KNDC1: variants seen among roughly 807,000 people sequenced by gnomAD.
The protein encoded by KNDC1 is kinase non-catalytic C-lobe domain-containing protein 1.
In KNDC1, 106 loss-of-function variants were observed where a neutral mutation model predicts 172.8. The observed-to-expected ratio is 0.61, with a 90% CI of 0.52 to 0.72. KNDC1 has a LOEUF of 0.72. KNDC1 is among the 30% of genes least tolerant of loss of function. The pLI is 0.00. For synonymous variants in KNDC1, 1,083 were observed against 1,062.2 expected, an observed-to-expected ratio of 1.02 and a Z score of -0.38; for missense variants, 2,325 against 2,394.5, an observed-to-expected ratio of 0.97 and a Z score of 0.61.
At chr10:133,184,763 G>C (rs984583331) in intron 5 of KNDC1, among the ~76,000 whole-genome samples, 2 of 152,298 alleles carry the variant, frequency 1.3e-5, no homozygotes, top group African/African-American at 4.8e-5. Context: ...AGCTTCAGAA[G>C]TCTGTGGCAT....
intron 3 of KNDC1, among the ~76,000 whole-genome samples, chr10:133,178,090 G>A (rs546142510): frequency 6.0e-5 from 9 of 150,640 alleles, no homozygotes; most frequent in Admixed American, 5.3e-4. Context: ...AGTTTGGTGT[G>A]TGTGCAGTGT....
intron 17 of KNDC1, among the ~76,000 whole-genome samples, chr10:133,204,544 C>T (rs983856114): frequency 2.0e-5 from 3 of 152,328 alleles, no homozygotes; most frequent in South Asian, 4.1e-4. Flanking sequence ...CCTGGCCCTC[C>T]GTGGCACCGC....
rs1323294323 is a variant in KNDC1 at position 133,201,997 on chromosome 10, A to C, written c.3387+99A>C. The C allele has an allele frequency of 4.6e-6, 6 of 1,315,840 alleles. No homozygotes were observed. The Admixed American group carries it at 1.2e-4, about 26-fold the overall frequency. 81.5% of individuals were successfully genotyped at this position (1,315,840 alleles called of 1,614,324 possible). A position where few individuals can be genotyped will look rare whatever the true frequency, so the allele number is the denominator to read the frequency against. On this transcript the variant is annotated intron_variant, in intron 17 of 29. Coordinates refer to ENST00000304613, the MANE Select transcript of KNDC1 (RefSeq NM_152643.8). Reference sequence around the variant, plus strand: ...GTGACAGATGGCACCGTGTGCCCAGAGCCCCCAACAGGGTGACACTGGTCC... The same window carrying C: ...GTGACAGATGGCACCGTGTGCCCAGCGCCCCCAACAGGGTGACACTGGTCC...
chr10:133,205,558 C>A (rs149690270), intron 17 of KNDC1, among the ~76,000 whole-genome samples: 2 of 152,240 alleles, frequency 1.3e-5, no homozygotes, highest in African/African-American at 4.8e-5. Flanking sequence ...GCAAACGCTG[C>A]GGCCGCCGCC....
intron 6 of KNDC1, among the ~76,000 whole-genome samples, chr10:133,188,079 C>G (rs557148103): frequency 1.3e-5 from 2 of 152,256 alleles, no homozygotes; most frequent in African/African-American, 4.8e-5. Flanking sequence ...GAGAACCCCC[C>G]ATCCCTGTCC....
chr10:133,224,556 G>C lies in KNDC1; in HGVS notation c.5019-103G>C, dbSNP rs896975103. ...CCCTTCAGAATTTACACGGTGAAAAGATTTAGTCCAAATGATTCCTAAGAA... is the reference window on the plus strand; with the variant it reads ...CCCTTCAGAATTTACACGGTGAAAACATTTAGTCCAAATGATTCCTAAGAA... On this transcript the variant is annotated intron_variant, in intron 29 of 29. Coordinates refer to ENST00000304613, the MANE Select transcript of KNDC1 (RefSeq NM_152643.8). The surrounding 1 kb of genome is among the most constrained non-coding windows in gnomAD (Gnocchi z 5.4). The C allele has an allele frequency of 1.3e-6, 1 of 798,798 alleles. No individual in the cohort carries two copies. Among genetic ancestry groups the C allele is most frequent in the Non-Finnish European group, 2.0e-6 (1 of 496,136 alleles). The allele number at this position is 798,798 out of a possible 1,614,324, so 49.5% of individuals were successfully genotyped here. A position where few individuals can be genotyped will look rare whatever the true frequency, so the allele number is the denominator to read the frequency against.
chr10:133,210,793 G>A, intron 21 of KNDC1, 69 bp downstream of exon 21: 1 of 1,288,636 alleles, frequency 7.8e-7, no homozygotes, highest in East Asian at 2.3e-5. Flanking sequence ...CCATGGGCCT[G>A]GTTTAGCCAC....
At chr10:133,186,814 T>C (rs996019958) in intron 6 of KNDC1, 140 bp downstream of exon 6, 11 of 672,240 alleles carry the variant, frequency 1.6e-5, no homozygotes, top group East Asian at 8.8e-5. Flanking sequence ...GACATTTTCA[T>C]TGAGCTGCCC....
intron 9 of KNDC1, among the ~76,000 whole-genome samples, chr10:133,195,298 C>T (rs185257173): frequency 4.6e-5 from 7 of 152,208 alleles, no homozygotes; most frequent in Non-Finnish European, 7.4e-5. Flanking sequence ...AGGCACCAGT[C>T]GGGGGGCTCC....
At chr10:133,200,486 A>C (rs1854332145) in intron 16 of KNDC1, 26 bp downstream of exon 16, 2 of 1,487,952 alleles carry the variant, frequency 1.3e-6, no homozygotes, top group South Asian at 2.7e-5. Context: ...GCCCCGCGGC[A>C]GGAGCTCTGC....
In KNDC1 at chr10:133,186,815, T is replaced by G. The variant is rs548812558; in HGVS notation, c.1326+141T>G. ...GCTCCATAATTAAAGACATTTTCAT[T>G]GAGCTGCCCCGTTTCTGAAGGAAGC... On this transcript the variant is annotated intron_variant, in intron 6 of 29. Transcript: ENST00000304613. 1.6e-5 allele frequency: 11 copies of G among 669,690 alleles called. No individual in the cohort carries two copies. The Admixed American group carries it at 2.3e-4, about 14-fold the overall frequency. 41.5% of individuals were successfully genotyped at this position (669,690 alleles called of 1,614,324 possible). A position where few individuals can be genotyped will look rare whatever the true frequency, so the allele number is the denominator to read the frequency against.
At chr10:133,197,897 C>T (rs528599398) in intron 12 of KNDC1, 129 bp downstream of exon 12, 3 of 765,832 alleles carry the variant, frequency 3.9e-6, no homozygotes. Context: ...CAGAGCTCGG[C>T]CAACGTGGCC....
In KNDC1 at chr10:133,198,676, C is replaced by G; in HGVS notation, c.2168C>G (p.Ser723Cys). ...EKLSLEAHAG[S>C]PSLKTPDGPV... Reference sequence around the variant, plus strand: ...CTCTCCCTGGAGGCCCACGCTGGGTCCCCCAGCCTGAAGACGCCTGACGGG... The same window carrying G: ...CTCTCCCTGGAGGCCCACGCTGGGTGCCCCAGCCTGAAGACGCCTGACGGG... The change falls in exon 14 of 30, where the codon TCC becomes TGC. Residue 723 changes from serine (S) to cysteine (C), a missense_variant. By Grantham distance (112) the Ser-to-Cys change is moderately radical. Transcript: ENST00000304613. 1 of 1,591,204 alleles carries G rather than the reference C, an allele frequency of 6.3e-7. No homozygotes were observed. The highest frequency in any genetic ancestry group is 2.3e-5 in the East Asian group (1 of 44,008).
At position 133,166,506 on chromosome 10, in the gene KNDC1, TGTA is replaced by T. The variant is rs565866131; in HGVS notation, c.103-871_103-869del. On this transcript the variant is annotated intron_variant, in intron 1 of 29. Transcript: ENST00000304613. ...AGTGTTAGGCATGTGTGCGGTGGCA[TGTA>T]GTATGTGTGTGAGTGTGAGGTGTGT... Among the ~76,000 whole-genome samples the T allele has an allele frequency of 5.9e-5, 9 of 152,166 alleles. No individual in the cohort carries two copies. The South Asian group carries it at 6.2e-4, about 11-fold the overall frequency.
Position 133,201,646 on chromosome 10 carries a change from G to A in KNDC1, c.3135G>A (p.Ala1045=), listed in dbSNP as rs746795668. The change falls in exon 17 of 30, where the codon GCG becomes GCA. Residue 1045 remains alanine (A), a synonymous_variant. Coordinates refer to ENST00000304613, the MANE Select transcript of KNDC1 (RefSeq NM_152643.8). The part of the protein sequence containing the change: ...RPQRSVKAER[A]QQPEAGEDRR... ...AGAGGTCCGTAAAAGCCGAGAGAGC[G>A]CAGCAGCCTGAGGCTGGCGAGGACA... 37 of 1,612,924 alleles carry A rather than the reference G, an allele frequency of 2.3e-5. No homozygotes were observed. The highest frequency in any genetic ancestry group is 8.0e-5 in the African/African-American group (6 of 74,940).
At chr10:133,195,943 TCTGTTTCTAGGTCC>T in intron 10 of KNDC1, 122 bp downstream of exon 10, 1 of 1,022,288 alleles carries the variant, frequency 9.8e-7, no homozygotes, top group Non-Finnish European at 1.4e-6. Context: ...GGCCACCAGG[TCTGTTTCTAGGTCC>T]CTGTTTCTAG....
At chr10:133,172,946 T>G (rs1853420539) in intron 3 of KNDC1, among the ~76,000 whole-genome samples, 3 of 152,172 alleles carry the variant, frequency 2.0e-5, no homozygotes, top group African/African-American at 7.2e-5. Context: ...CAGGCTGCAG[T>G]GAGCCATGAT....
At chr10:133,181,861 C>CACACACACACACACACACACA (rs33923925) in intron 3 of KNDC1, among the ~76,000 whole-genome samples, 2 of 151,398 alleles carry the variant, frequency 1.3e-5, no homozygotes, top group Non-Finnish European at 1.5e-5. Flanking sequence ...CACACACACA[C>CACACACACACACACACACACA]CAGACTGTGG....
chr10:133,181,329 C>G (rs534124752), intron 3 of KNDC1, among the ~76,000 whole-genome samples: 2 of 152,242 alleles, frequency 1.3e-5, no homozygotes, highest in African/African-American at 4.8e-5. Context: ...GGCCCAGGCA[C>G]GAGAGGCTGG....
Sources: allele counts gnomAD v4.1 joint callset (sites outside exome capture counted in the v4.1 genomes callset), GRCh38; gene constraint gnomAD v4.1.1; non-coding constraint Gnocchi (gnomAD v3.1); transcripts MANE v1.5; gene names NCBI Gene and HGNC (gene_info 2026-07-23, HGNC 2026-07-21).